NTM: variants seen among roughly 807,000 people sequenced by gnomAD.
NTM encodes IgLON family member 2.
Under a neutral mutation model 42.1 loss-of-function variants are expected in NTM, and 13 were observed. The observed-to-expected ratio is 0.31, with a 90% CI of 0.20 to 0.49. NTM has a LOEUF of 0.49. Ranked by LOEUF, NTM falls within the 20% of genes least tolerant of loss-of-function variation. NTM has a pLI of 0.99. For missense variants in NTM, 373 were observed against 452.8 expected, an observed-to-expected ratio of 0.82 and a Z score of 1.60; for synonymous variants, 187 against 179.2, an observed-to-expected ratio of 1.04 and a Z score of -0.35.
At chr11:131,931,273 T>C (rs1351159633) in intron 2 of NTM, among the ~76,000 whole-genome samples, 1 of 151,840 alleles carries the variant, frequency 6.6e-6, no homozygotes, top group African/African-American at 2.4e-5. Context: ...ACCCTGTCTC[T>C]ATACAAAATA....
chr11:131,432,839 C>CCTTTTTTTTTT (rs1565494793), intron 1 of NTM, among the ~76,000 whole-genome samples: 1 of 68,692 alleles, frequency 1.5e-5, no homozygotes, highest in Non-Finnish European at 2.6e-5. Context: ...ATTTAGCATT[C>CCTTTTTTTTTT]TTTTTTTTTT....
intron 2 of NTM, among the ~76,000 whole-genome samples, chr11:132,092,983 C>G (rs531337709): frequency 6.6e-6 from 1 of 152,202 alleles, no homozygotes; most frequent in African/African-American, 2.4e-5. Context: ...TGGCCCTGAT[C>G]CAATTCATTC....
intron 1 of NTM, among the ~76,000 whole-genome samples, chr11:131,463,212 G>T (rs779486898): frequency 1.3e-5 from 2 of 152,236 alleles, no homozygotes; most frequent in African/African-American, 4.8e-5. Flanking sequence ...GCCGGAGATT[G>T]TAGGATCTGA....
At chr11:132,245,967 C>T (rs1457318876) in intron 4 of NTM, among the ~76,000 whole-genome samples, 3 of 152,194 alleles carry the variant, frequency 2.0e-5, no homozygotes, top group Non-Finnish European at 4.4e-5. Flanking sequence ...AGGATCTTTT[C>T]TCCCCGGGCG....
chr11:131,629,428 T>C (rs2063443724), intron 1 of NTM, among the ~76,000 whole-genome samples: 1 of 152,316 alleles, frequency 6.6e-6, no homozygotes, highest in South Asian at 2.1e-4. Flanking sequence ...GGAAGGGTCT[T>C]ACACTTAGAA....
intron 1 of NTM, among the ~76,000 whole-genome samples, chr11:131,514,328 A>G (rs2048623581): frequency 6.6e-6 from 1 of 152,148 alleles, no homozygotes; most frequent in Non-Finnish European, 1.5e-5. Flanking sequence ...AGGAGAAGGA[A>G]CATTCAGCTG....
intron 1 of NTM, among the ~76,000 whole-genome samples, chr11:131,455,070 T>C (rs4937625): frequency 0.25 from 38,614 of 152,168 alleles, 5,858 homozygotes; most frequent in East Asian, 0.7. Context: ...TTTGTGTGCG[T>C]GCTGTTCAAC....
At chr11:132,074,644 C>T (rs939778422) in intron 2 of NTM, among the ~76,000 whole-genome samples, 22 of 151,704 alleles carry the variant, frequency 1.5e-4, no homozygotes, top group African/African-American at 4.6e-4. Flanking sequence ...CAACACTGTT[C>T]GCAACAACCA....
intron 1 of NTM, among the ~76,000 whole-genome samples, chr11:131,664,104 G>A (rs937349607): frequency 8.5e-5 from 13 of 152,310 alleles, no homozygotes; most frequent in Middle Eastern, 3.4e-3. Flanking sequence ...GGCCTCTCTG[G>A]ACAGGGCTCC....
At chr11:131,822,955 T>G (rs1483785093) in intron 1 of NTM, among the ~76,000 whole-genome samples, 1 of 152,130 alleles carries the variant, frequency 6.6e-6, no homozygotes, top group Non-Finnish European at 1.5e-5. Context: ...CTTTCTTTCT[T>G]CCTTCCTTCC....
chr11:131,958,626 G>C (rs1047937335), intron 2 of NTM, among the ~76,000 whole-genome samples: 1 of 152,188 alleles, frequency 6.6e-6, no homozygotes. Context: ...GAGCCTTGAA[G>C]AAGATAAGTT....
At chr11:131,384,693 A>T (rs1943098094) in intron 1 of NTM, among the ~76,000 whole-genome samples, 1 of 152,174 alleles carries the variant, frequency 6.6e-6, no homozygotes, top group Non-Finnish European at 1.5e-5. Flanking sequence ...GCGAATCCTG[A>T]GAATAGGTAC....
intron 1 of NTM, among the ~76,000 whole-genome samples, chr11:131,635,809 C>A (rs1284349510): frequency 6.6e-6 from 1 of 152,194 alleles, no homozygotes; most frequent in Non-Finnish European, 1.5e-5. Flanking sequence ...GTCCTGCAAA[C>A]TCCATTCATA....
chr11:131,596,612 C>T (rs1000553690), intron 1 of NTM, among the ~76,000 whole-genome samples: 5 of 152,158 alleles, frequency 3.3e-5, no homozygotes, highest in East Asian at 1.9e-4. Context: ...ATTTAGGGTT[C>T]GGGTAAATCT....
intron 1 of NTM, among the ~76,000 whole-genome samples, chr11:131,430,513 T>G (rs1006470091): frequency 1.3e-5 from 2 of 152,172 alleles, no homozygotes; most frequent in South Asian, 2.1e-4. Flanking sequence ...CCACAGCTTT[T>G]TCTCCTGGGC....
At chr11:131,483,687 CGAA>C (rs1565549919) in intron 1 of NTM, among the ~76,000 whole-genome samples, 2 of 149,504 alleles carry the variant, frequency 1.3e-5, no homozygotes, top group African/African-American at 2.5e-5. Context: ...CCAGCAGCAG[CGAA>C]GAAGAGCCGC....
chr11:132,106,477 T>G (rs768585552), intron 2 of NTM, among the ~76,000 whole-genome samples: 1 of 152,314 alleles, frequency 6.6e-6, no homozygotes, highest in East Asian at 1.9e-4. Flanking sequence ...AGGAAGCAAT[T>G]AAGCAGCTCC....
At chr11:132,108,392 TG>T (rs1316519943) in intron 2 of NTM, among the ~76,000 whole-genome samples, 4 of 152,132 alleles carry the variant, frequency 2.6e-5, no homozygotes, top group African/African-American at 9.7e-5. Context: ...GCAACCTGGA[TG>T]GAATTGGAGG....
intron 1 of NTM, among the ~76,000 whole-genome samples, chr11:131,445,433 G>A (rs1259135543): frequency 6.6e-6 from 1 of 152,216 alleles, no homozygotes; most frequent in African/African-American, 2.4e-5. Flanking sequence ...GAGATGAGGT[G>A]AGAAAGCAGA....
Sources: allele counts gnomAD v4.1 joint callset (sites outside exome capture counted in the v4.1 genomes callset), GRCh38; gene constraint gnomAD v4.1.1; transcripts MANE v1.5; gene names NCBI Gene and HGNC (gene_info 2026-07-23, HGNC 2026-07-21).